ATXN7L2: variants seen among roughly 807,000 people sequenced by gnomAD.
ATXN7L2 encodes the protein ataxin-7-like protein 2.
A neutral mutation model predicts 59.6 loss-of-function variants in ATXN7L2; 17 were observed. The observed-to-expected ratio is 0.29, with a 90% confidence interval of 0.20 to 0.43. The LOEUF (loss-of-function observed/expected upper bound fraction) is 0.43. Ranked by LOEUF, ATXN7L2 falls within the 20% of genes least tolerant of loss-of-function variation. ATXN7L2 has a pLI of 1.00. For synonymous variants in ATXN7L2, 378 were observed against 392.5 expected, an observed-to-expected ratio of 0.96 and a Z score of 0.44; for missense variants, 858 against 1,008.9, an observed-to-expected ratio of 0.85 and a Z score of 2.03.
chr1:109,490,002 C>G lies in ATXN7L2; in HGVS notation c.1206C>G (p.Phe402Leu). The G allele has an allele frequency of 6.2e-7, 1 of 1,613,400 alleles. No homozygotes were observed. The highest frequency in any genetic ancestry group is 8.5e-7 in the Non-Finnish European group (1 of 1,179,800). Residue 402 changes from phenylalanine to leucine, a missense_variant, in exon 8 of 11, where the codon TTC (phenylalanine) becomes TTG (leucine). Coordinates refer to ENST00000683729, the MANE Select transcript of ATXN7L2 (RefSeq NM_001350175.2). ...GTGGTGATGGGGACCCAGGCCTGTT[C>G]CCCTTCCCCATGCCCCGGGGTGGGA... is the stretch of plus-strand genomic sequence containing the variant. ...PCGGDGDPGL[F>L]PFPMPRGGTQ... is the part of the protein sequence containing the mutation.
Position 109,490,088 on chromosome 1 carries a change from C to T in ATXN7L2, c.1292C>T (p.Pro431Leu). 1 of 1,594,252 alleles carries T rather than the reference C, an allele frequency of 6.3e-7. No individual in the cohort carries two copies. Among genetic ancestry groups the T allele is most frequent in the Non-Finnish European group, 8.5e-7 (1 of 1,169,762 alleles). Reference protein sequence around the residue: ...EGTSDDLHPPPDCHYATRPPR... With the variant: ...EGTSDDLHPPLDCHYATRPPR... ...ACATCTGACGACCTCCACCCACCCCCTGACTGCCATTATGCAACCCGGCCC... is the reference window on the plus strand; with the variant it reads ...ACATCTGACGACCTCCACCCACCCCTTGACTGCCATTATGCAACCCGGCCC... The change falls in exon 8 of 11, where the codon CCT (proline) becomes CTT (leucine). Residue 431 changes from proline to leucine, a missense_variant. Physicochemically the swap from Pro to Leu is moderately conservative, Grantham distance 98. Around this residue, in one of 3 missense-constraint regions of ATXN7L2, gnomAD observed 734 missense variants for 862.3 expected, o/e 0.85. Transcript: ENST00000683729.
intron 4 of ATXN7L2, 92 bp downstream of exon 4, chr1:109,487,309 ACTC>A: frequency 7.7e-7 from 1 of 1,294,498 alleles, no homozygotes; most frequent in Non-Finnish European, 1.0e-6. Flanking sequence ...GTCAAGGCAT[ACTC>A]CTCACAGCAG....
In ATXN7L2 at chr1:109,491,348, C is replaced by T; in HGVS notation, c.1881C>T (p.Pro627=). The part of the protein sequence containing the change: ...CILEPTGKGK[P]SGCRGLSAKT... Reference sequence around the variant, plus strand: ...TGGAGCCCACTGGAAAAGGGAAACCCTCTGGCTGTAGGGGCCTCTCGGCCA... The same window carrying T: ...TGGAGCCCACTGGAAAAGGGAAACCTTCTGGCTGTAGGGGCCTCTCGGCCA... Residue 627 remains proline, a synonymous_variant, in exon 10 of 11, where the codon CCC becomes CCT. Coordinates refer to ENST00000683729, the MANE Select transcript of ATXN7L2 (RefSeq NM_001350175.2). The surrounding 1 kb of genome is among the most constrained non-coding windows in gnomAD (Gnocchi z 4.1). The T allele has an allele frequency of 6.2e-7, 1 of 1,614,252 alleles. No individual in the cohort carries two copies. The highest frequency in any genetic ancestry group is 2.2e-5 in the East Asian group (1 of 44,888).
In ATXN7L2 at chr1:109,490,108, C is replaced by T. The variant is rs749111871; in HGVS notation, c.1312C>T (p.Arg438Trp). 1.2e-5 allele frequency: 19 copies of T among 1,575,472 alleles called. No individual in the cohort carries two copies. The Admixed American group carries it at 1.6e-4, about 13-fold the overall frequency. Residue 438 changes from arginine to tryptophan, a missense_variant, in exon 8 of 11, where the codon CGG (arginine) becomes TGG (tryptophan). Coordinates refer to ENST00000683729, the MANE Select transcript of ATXN7L2 (RefSeq NM_001350175.2). ...ACCCCCTGACTGCCATTATGCAACC[C>T]GGCCCCCACGGCCACAGGCGGTAAG... ...HPPPDCHYAT[R>W]PPRPQAFCTF...
rs1203227750 is a variant in ATXN7L2 at position 109,487,164 on chromosome 1, G to T, written c.456G>T (p.Gly152=). The part of the protein sequence containing the change: ...TKTSSREKGQ[G]SRSRGHQPPE... ...CCTCCTCCAGGGAGAAGGGCCAGGG[G>T]TCCCGGAGCCGTGGCCACCAGCCTC... Residue 152 remains glycine, a synonymous_variant, in exon 4 of 11, where the codon GGG becomes GGT. Coordinates refer to ENST00000683729, the MANE Select transcript of ATXN7L2 (RefSeq NM_001350175.2). 1.9e-6 allele frequency: 3 copies of T among 1,601,166 alleles called. No individual in the cohort carries two copies. The African/African-American group carries it at 4.0e-5, about 21-fold the overall frequency.
Position 109,488,939 on chromosome 1 carries a change from G to A in ATXN7L2, c.972G>A (p.Gly324=). Reference sequence around the variant, plus strand: ...AGCTGAAGGCCAACTCCCGCAAAGGGGAGTCTCCCAAGGAGAAGAGCCCAG... The same window carrying A: ...AGCTGAAGGCCAACTCCCGCAAAGGAGAGTCTCCCAAGGAGAAGAGCCCAG... ...VAELKANSRK[G]ESPKEKSPGR... Residue 324 remains glycine, a synonymous_variant, in exon 7 of 11, where the codon GGG becomes GGA. Transcript: ENST00000683729. The surrounding 1 kb of genome is among the most constrained non-coding windows in gnomAD (Gnocchi z 5.0). The A allele has an allele frequency of 6.2e-7, 1 of 1,614,154 alleles. No individual in the cohort carries two copies. The highest frequency in any genetic ancestry group is 1.1e-5 in the South Asian group (1 of 91,092).
At position 109,486,915 on chromosome 1, in the gene ATXN7L2, T is replaced by G; in HGVS notation, c.299-92T>G. On this transcript the variant is annotated intron_variant, in intron 3 of 10. Transcript: ENST00000683729. The surrounding 1 kb of genome is among the most constrained non-coding windows in gnomAD (Gnocchi z 4.3). ...ACAATCTAATTTATGGAAACTCAGA[T>G]TCTCTCATGTGAGTCTATGGACATG... 8.6e-7 allele frequency: 1 copy of G among 1,167,954 alleles called. No individual in the cohort carries two copies. Among genetic ancestry groups the G allele is most frequent in the Non-Finnish European group, 1.2e-6 (1 of 844,496 alleles). The allele number at this position is 1,167,954 out of a possible 1,614,324, so 72.3% of individuals were successfully genotyped here.
At position 109,490,358 on chromosome 1, in the gene ATXN7L2, A is replaced by T; in HGVS notation, c.1420A>T (p.Met474Leu). The stretch of plus-strand genomic sequence containing the variant: ...CCGGTTCTGCTCAGCACTCAGCTCC[A>T]TGCTGGAACGGCACCTCAGCACACA... ...LDRFCSALSS[M>L]LERHLSTHMW... The change falls in exon 9 of 11, where the codon ATG becomes TTG. Residue 474 changes from methionine (M) to leucine (L), a missense_variant. Transcript: ENST00000683729. 1 of 1,613,810 alleles carries T rather than the reference A, an allele frequency of 6.2e-7. No homozygotes were observed. The highest frequency in any genetic ancestry group is 1.7e-4 in the Middle Eastern group (1 of 6,058).
At chr1:109,485,597 C>T in intron 1 of ATXN7L2, 1 of 985,600 alleles carries the variant, frequency 1.0e-6, no homozygotes, top group Non-Finnish European at 1.2e-6. Flanking sequence ...CAGAAAGGAC[C>T]CATCGAGAAA....
intron 4 of ATXN7L2, 27 bp downstream of exon 4, chr1:109,487,244 G>C: frequency 6.7e-7 from 1 of 1,483,334 alleles, no homozygotes; most frequent in Non-Finnish European, 9.0e-7. Context: ...AACTTTCTAA[G>C]ACTGGCCCTG....
intron 9 of ATXN7L2, 51 bp downstream of exon 9, chr1:109,490,443 T>C (rs1473573041): frequency 6.3e-7 from 1 of 1,594,274 alleles, no homozygotes; most frequent in Admixed American, 1.7e-5. Context: ...ATTCCTAGGT[T>C]CCAGACATAC....
rs1241787514 is a variant in ATXN7L2, at chr1:109,492,655, TC to T, written c.*57del. 2 of 1,604,228 alleles carry T rather than the reference TC, an allele frequency of 1.2e-6. No homozygotes were observed. The highest frequency in any genetic ancestry group is 1.7e-6 in the Non-Finnish European group (2 of 1,175,588). On this transcript the variant is annotated 3_prime_UTR_variant, in exon 11 of 11. Transcript: ENST00000683729. ...CCGCCAGCACCTCCTCCCCTCCAGA[TC>T]CGGGCCCCAGGCTGCTGCCGCTTTT... is the stretch of plus-strand genomic sequence containing the variant.
At position 109,490,335 on chromosome 1, in the gene ATXN7L2, G is replaced by A. The variant is rs915397381; in HGVS notation, c.1397G>A (p.Arg466Gln). 1 of 1,613,856 alleles carries A rather than the reference G, an allele frequency of 6.2e-7. No individual in the cohort carries two copies. Among genetic ancestry groups the A allele is most frequent in the Non-Finnish European group, 8.5e-7 (1 of 1,180,028 alleles). ...GCYVFSRRLDRFCSALSSMLE... is the reference protein window; with the variant it reads ...GCYVFSRRLDQFCSALSSMLE... ...TATGTGTTTAGCCGCCGGCTGGACC[G>A]GTTCTGCTCAGCACTCAGCTCCATG... The change falls in exon 9 of 11, where the codon CGG becomes CAG. Residue 466 changes from arginine (R) to glutamine (Q), a missense_variant. By Grantham distance (43) the Arg-to-Gln change is conservative. Coordinates refer to ENST00000683729, the MANE Select transcript of ATXN7L2 (RefSeq NM_001350175.2).
In ATXN7L2 at chr1:109,488,091, C is replaced by T. The variant is rs951678497; in HGVS notation, c.796+287C>T. 5.3e-5 allele frequency among the ~76,000 whole-genome samples: 8 copies of T among 152,240 alleles called. No homozygotes were observed. The highest frequency in any genetic ancestry group is 1.9e-4 in the African/African-American group (8 of 41,466). ...CCAGCCAGACACATCTCACAGCTGG[C>T]TTCTCTGGCCTCCCAGATGCCCATG... On this transcript the variant is annotated intron_variant, in intron 5 of 10. Transcript: ENST00000683729. The surrounding 1 kb of genome is among the most constrained non-coding windows in gnomAD (Gnocchi z 5.0).
At chr1:109,487,260 G>T in intron 4 of ATXN7L2, 43 bp downstream of exon 4, 2 of 1,454,564 alleles carry the variant, frequency 1.4e-6, no homozygotes, top group South Asian at 2.9e-5. Flanking sequence ...CCCTGACCCT[G>T]ACCCATGGAT....
chr1:109,484,794 G>C (rs1381320513), intron 1 of ATXN7L2, among the ~76,000 whole-genome samples: 1 of 152,178 alleles, frequency 6.6e-6, no homozygotes, highest in African/African-American at 2.4e-5. Flanking sequence ...GGCCTTTCGG[G>C]GTGACAGCAG....
rs1211921036 is a variant in ATXN7L2, at chr1:109,484,088, A to T, written c.127+8A>T. The T allele has an allele frequency of 2.7e-6, 4 of 1,507,792 alleles. No homozygotes were observed. Among genetic ancestry groups the T allele is most frequent in the Middle Eastern group, 1.8e-4 (1 of 5,686 alleles). The allele number at this position is 1,507,792 out of a possible 1,614,324, so 93.4% of individuals were successfully genotyped here. A position where few individuals can be genotyped will look rare whatever the true frequency, so the allele number is the denominator to read the frequency against. On this transcript the variant is annotated splice_region_variant and intron_variant, in intron 1 of 10. Transcript: ENST00000683729. ...ACCTGCCCGCGGCTGACGGTGAGTA[A>T]AGCCACCCTAAAGTCCGGGGACCCC...
At position 109,488,791 on chromosome 1, in the gene ATXN7L2, C is replaced by G; in HGVS notation, c.880-56C>G. 3.2e-6 allele frequency: 5 copies of G among 1,570,126 alleles called. No homozygotes were observed. The highest frequency in any genetic ancestry group is 4.3e-6 in the Non-Finnish European group (5 of 1,153,238). On this transcript the variant is annotated intron_variant, in intron 6 of 10. Coordinates refer to ENST00000683729, the MANE Select transcript of ATXN7L2 (RefSeq NM_001350175.2). The surrounding 1 kb of genome is among the most constrained non-coding windows in gnomAD (Gnocchi z 5.0). ...CCCGGGCCAAAGCACCCTGCCGTCC[C>G]TCACCCCTTCTCAGTTCATACCTAC... is the stretch of plus-strand genomic sequence containing the variant.
intron 1 of ATXN7L2, 64 bp from the exon 2 acceptor site, chr1:109,485,993 T>C: frequency 6.8e-7 from 1 of 1,463,208 alleles, no homozygotes; most frequent in Non-Finnish European, 9.0e-7. Context: ...CAGTCTCTGG[T>C]AAGGAGAGGC....
Sources: allele counts gnomAD v4.1 joint callset (sites outside exome capture counted in the v4.1 genomes callset), GRCh38; gene constraint gnomAD v4.1.1; regional missense constraint gnomAD v4.1.1; non-coding constraint Gnocchi (gnomAD v3.1); transcripts MANE v1.5; gene names NCBI Gene and HGNC (gene_info 2026-07-23, HGNC 2026-07-21).